The following KCNQ1 variants were observed in gnomAD, a reference collection of about 807,000 sequenced individuals.
KCNQ1 encodes the protein potassium voltage-gated channel subfamily KQT member 1.
In KCNQ1, 49 loss-of-function variants were observed where a neutral mutation model predicts 72.4. The observed-to-expected ratio is 0.68, with a 90% confidence interval of 0.54 to 0.86. The LOEUF (loss-of-function observed/expected upper bound fraction) is 0.86, where lower values mean the gene tolerates loss of function less well. Ranked by LOEUF, KCNQ1 falls within the 40% of genes least tolerant of loss-of-function variation. The pLI, the probability that KCNQ1 is intolerant of heterozygous loss-of-function variation, is 0.00. For missense variants in KCNQ1, 790 were observed against 945.1 expected, an observed-to-expected ratio of 0.84 and a Z score of 2.15; for synonymous variants, 450 against 412.6, an observed-to-expected ratio of 1.09 and a Z score of -1.10.
In KCNQ1 at chr11:2,620,434, T is replaced by C; in HGVS notation, c.1393+31580T>C. ...TTTTTCCATGTTGGTCAGGCTGGTC[T>C]CGAACTCCTGACCTCAGGTGATCCA... On this transcript the variant is annotated intron_variant, in intron 10 of 15. Coordinates refer to ENST00000155840, the MANE Select transcript of KCNQ1 (RefSeq NM_000218.3). This position sits in a 1 kb window ranked among gnomAD's most constrained non-coding sequence, Gnocchi z 4.5. The C allele has an allele frequency of 3.7e-6, 1 of 270,834 alleles. No homozygotes were observed. The highest frequency in any genetic ancestry group is 6.8e-6 in the Non-Finnish European group (1 of 146,922). 16.8% of individuals were successfully genotyped at this position (270,834 alleles called of 1,614,324 possible).
At chr11:2,503,499 T>C (rs1374018869) in intron 1 of KCNQ1, among the ~76,000 whole-genome samples, 2 of 120,156 alleles carry the variant, frequency 1.7e-5, no homozygotes, top group African/African-American at 6.6e-5. Flanking sequence ...TGAGAACACA[T>C]GGACACAGGA....
At position 2,705,832 on chromosome 11, in the gene KCNQ1, C is replaced by T. The variant is rs142782180; in HGVS notation, c.1514+43751C>T. Among the ~76,000 whole-genome samples the T allele has an allele frequency of 6.1e-4, 93 of 152,286 alleles. No individual in the cohort carries two copies. The Middle Eastern group carries it at 0.017, about 28-fold the overall frequency. ...TTTTACGCATTAAAAGGCCCTGGAT[C>T]GGTATTTGTAGTGAGAACAGATATT... is the stretch of plus-strand genomic sequence containing the variant. On this transcript the variant is annotated intron_variant, in intron 11 of 15. Transcript: ENST00000155840.
At chr11:2,539,541 G>A (rs1564810583) in intron 2 of KCNQ1, among the ~76,000 whole-genome samples, 1 of 152,218 alleles carries the variant, frequency 6.6e-6, no homozygotes, top group Non-Finnish European at 1.5e-5. Flanking sequence ...CCAAGCCGAT[G>A]GCTGTGCTGG....
At position 2,679,548 on chromosome 11, in the gene KCNQ1, T is replaced by C. The variant is rs922394337; in HGVS notation, c.1514+17467T>C. ...TACCTCATGATGGCCATTCCATCCATTGTAATCATGTGTACCATGCAATTC... is the reference window on the plus strand; with the variant it reads ...TACCTCATGATGGCCATTCCATCCACTGTAATCATGTGTACCATGCAATTC... On this transcript the variant is annotated intron_variant, in intron 11 of 15. Transcript: ENST00000155840. This position sits in a 1 kb window ranked among gnomAD's most constrained non-coding sequence, Gnocchi z 4.8. 1.3e-5 allele frequency: 5 copies of C among 398,522 alleles called. No individual in the cohort carries two copies. The highest frequency in any genetic ancestry group is 1.0e-4 in the African/African-American group (5 of 48,630). The allele number at this position is 398,522 out of a possible 1,614,324, so 24.7% of individuals were successfully genotyped here.
rs543759916 is a variant in KCNQ1, at chr11:2,460,200, G to C, written c.386+14716G>C. ...GTGGCCCAGCTGGGGGCAGGACTCC[G>C]GGGCAGGGTGAGTCCCTGCGTGACC... On this transcript the variant is annotated intron_variant, in intron 1 of 15. Coordinates refer to ENST00000155840, the MANE Select transcript of KCNQ1 (RefSeq NM_000218.3). Among the ~76,000 whole-genome samples the C allele has an allele frequency of 2.5e-3, 383 of 152,292 alleles. 1 individual carries two copies. The highest frequency in any genetic ancestry group is 8.7e-3 in the African/African-American group (360 of 41,564).
At chr11:2,625,478 AC>A (rs1458575767) in intron 10 of KCNQ1, 1 of 397,956 alleles carries the variant, frequency 2.5e-6, no homozygotes, top group Non-Finnish European at 4.4e-6. Context: ...TGTGGTTTTG[AC>A]TTGTATTTCC....
intron 15 of KCNQ1, among the ~76,000 whole-genome samples, chr11:2,810,402 G>A (rs1260657044): frequency 6.6e-6 from 1 of 152,226 alleles, no homozygotes; most frequent in Non-Finnish European, 1.5e-5. Context: ...TTTTAAGTCA[G>A]ACTGAAGACA....
chr11:2,788,690 T>C (rs1302644752), intron 15 of KCNQ1, among the ~76,000 whole-genome samples: 1 of 152,220 alleles, frequency 6.6e-6, no homozygotes, highest in African/African-American at 2.4e-5. Flanking sequence ...TTTGCTATTC[T>C]GGGAACTGGT....
At position 2,451,161 on chromosome 11, in the gene KCNQ1, A is replaced by G. The variant is rs1053238360; in HGVS notation, c.386+5677A>G. On this transcript the variant is annotated intron_variant, in intron 1 of 15. Coordinates refer to ENST00000155840, the MANE Select transcript of KCNQ1 (RefSeq NM_000218.3). This position sits in a 1 kb window ranked among gnomAD's most constrained non-coding sequence, Gnocchi z 6.4. ...TAGAGCAGCAGTCCCCAACCTTTTT[A>G]GTACCAGAGACCTGTTTTATGGAAG... 6.6e-6 allele frequency among the ~76,000 whole-genome samples: 1 copy of G among 152,276 alleles called. No individual in the cohort carries two copies. Among genetic ancestry groups the G allele is most frequent in the Non-Finnish European group, 1.5e-5 (1 of 68,030 alleles).
At chr11:2,749,968 A>G (rs905008003) in intron 11 of KCNQ1, among the ~76,000 whole-genome samples, 1 of 152,052 alleles carries the variant, frequency 6.6e-6, no homozygotes, top group African/African-American at 2.4e-5. Context: ...TCCAAAAAAA[A>G]AAAAATAAAA....
chr11:2,559,263 A>G lies in KCNQ1; in HGVS notation c.478-11365A>G, dbSNP rs925671230. Among the ~76,000 whole-genome samples the G allele has an allele frequency of 6.6e-6, 1 of 152,068 alleles. No individual in the cohort carries two copies. The highest frequency in any genetic ancestry group is 2.4e-5 in the African/African-American group (1 of 41,430). On this transcript the variant is annotated intron_variant, in intron 2 of 15. Coordinates refer to ENST00000155840, the MANE Select transcript of KCNQ1 (RefSeq NM_000218.3). The surrounding 1 kb of genome is among the most constrained non-coding windows in gnomAD (Gnocchi z 4.9). ...CATTCGACACCCAAGGCCTTATGGAATCAGTCCTGGGGCCTGGAGGGTCGT... is the reference window on the plus strand; with the variant it reads ...CATTCGACACCCAAGGCCTTATGGAGTCAGTCCTGGGGCCTGGAGGGTCGT...
intron 10 of KCNQ1, among the ~76,000 whole-genome samples, chr11:2,589,689 C>G (rs76629681): frequency 6.6e-6 from 1 of 152,196 alleles, no homozygotes; most frequent in Non-Finnish European, 1.5e-5. Context: ...GTGGCCCCCC[C>G]ATGCCTCCCG....
intron 1 of KCNQ1, among the ~76,000 whole-genome samples, chr11:2,522,382 G>A (rs1156475311): frequency 1.3e-5 from 2 of 152,094 alleles, no homozygotes; most frequent in Non-Finnish European, 1.5e-5. Context: ...TTAGTTTCCC[G>A]GCTCTGCAGA....
intron 1 of KCNQ1, among the ~76,000 whole-genome samples, chr11:2,449,965 G>C (rs1846100217): frequency 6.6e-6 from 1 of 152,208 alleles, no homozygotes; most frequent in African/African-American, 2.4e-5. Flanking sequence ...GGTCCAGGGA[G>C]CTCATGCCTT....
rs1850378951 is a variant in KCNQ1, at chr11:2,680,570, A to C, written c.1514+18489A>C. On this transcript the variant is annotated intron_variant, in intron 11 of 15. Transcript: ENST00000155840. ...AAGAAACAACACAGAGAAATCTTAC[A>C]TACTCCTTTACCTAGTCTCCCCCGA... 10 of 398,540 alleles carry C rather than the reference A, an allele frequency of 2.5e-5. No individual in the cohort carries two copies. In the East Asian group the frequency reaches 3.6e-4, roughly 14 times the overall value. The allele number at this position is 398,540 out of a possible 1,614,324, so 24.7% of individuals were successfully genotyped here.
rs1846137548 is a variant in KCNQ1, at chr11:2,746,280, C to A, written c.1515-22564C>A. Among the ~76,000 whole-genome samples the A allele has an allele frequency of 6.6e-6, 1 of 152,116 alleles. No homozygotes were observed. On this transcript the variant is annotated intron_variant, in intron 11 of 15. Coordinates refer to ENST00000155840, the MANE Select transcript of KCNQ1 (RefSeq NM_000218.3). The surrounding 1 kb of genome is among the most constrained non-coding windows in gnomAD (Gnocchi z 5.9). Reference sequence around the variant, plus strand: ...TCTTACACAGGTGGCACCAAGAGTCCCCAGGTGCCCTTCCCCCAGCAGCCC... The same window carrying A: ...TCTTACACAGGTGGCACCAAGAGTCACCAGGTGCCCTTCCCCCAGCAGCCC...
Position 2,724,930 on chromosome 11 carries a change from T to G in KCNQ1, c.1515-43914T>G, listed in dbSNP as rs531013719. 4.6e-5 allele frequency among the ~76,000 whole-genome samples: 7 copies of G among 152,300 alleles called. No homozygotes were observed. In the South Asian group the frequency reaches 1.4e-3, roughly 32 times the overall value. ...GGTAGAGATGACTGATCCAGTAACC[T>G]GGACAGGGTGCCGAGGGCAGGGTCT... On this transcript the variant is annotated intron_variant, in intron 11 of 15. Transcript: ENST00000155840. The surrounding 1 kb of genome is among the most constrained non-coding windows in gnomAD (Gnocchi z 6.8).
chr11:2,575,178 C>T (rs1848403775), intron 6 of KCNQ1, among the ~76,000 whole-genome samples: 1 of 152,342 alleles, frequency 6.6e-6, no homozygotes, highest in East Asian at 1.9e-4. Flanking sequence ...CCCCAGCCCG[C>T]AGCAGAGCGG....
intron 10 of KCNQ1, chr11:2,638,109 T>G (rs1048848515): frequency 5.3e-5 from 8 of 152,222 alleles, no homozygotes; most frequent in African/African-American, 1.7e-4. Flanking sequence ...TACAGCACAC[T>G]GATGGGTCTT....
Sources: allele counts gnomAD v4.1 joint callset (sites outside exome capture counted in the v4.1 genomes callset), GRCh38; gene constraint gnomAD v4.1.1; non-coding constraint Gnocchi (gnomAD v3.1); transcripts MANE v1.5; gene names NCBI Gene and HGNC (gene_info 2026-07-23, HGNC 2026-07-21).